The following PLEKHG1 variants were observed in gnomAD, a reference collection of about 807,000 sequenced individuals.
The protein encoded by PLEKHG1 is pleckstrin homology and RhoGEF domain containing G1.
In PLEKHG1, 44 loss-of-function variants were observed where a neutral mutation model predicts 100.8. The ratio of observed to expected loss-of-function variants is 0.44; its 90% CI spans 0.34 to 0.56. The LOEUF is 0.56. Ranked by LOEUF, PLEKHG1 falls within the 20% of genes least tolerant of loss-of-function variation. The pLI, the probability that PLEKHG1 is intolerant of heterozygous loss-of-function variation, is 0.01. For synonymous variants in PLEKHG1, 640 were observed against 662.5 expected (o/e 0.97, Z 0.52); for missense variants, 1,545 against 1,720.9 (o/e 0.90, Z 1.81).
Position 150,823,690 on chromosome 6 carries a change from C to T in PLEKHG1, c.1470+14C>T. 6.2e-7 allele frequency: 1 copy of T among 1,606,206 alleles called. No individual in the cohort carries two copies. Among genetic ancestry groups the T allele is most frequent in the East Asian group, 2.2e-5 (1 of 44,824 alleles). On this transcript the variant is annotated intron_variant, in intron 14 of 15. Coordinates refer to ENST00000358517, the Ensembl canonical transcript of PLEKHG1. The stretch of plus-strand genomic sequence containing the variant: ...GACATCCAAAAGGTAAGCTCTATCT[C>T]ATTTCTTACTTGGAAATGTTCACTT...
intron 1 of PLEKHG1, among the ~76,000 whole-genome samples, chr6:150,621,200 T>C (rs904198800): frequency 2.6e-5 from 4 of 152,022 alleles, no homozygotes; most frequent in Non-Finnish European, 4.4e-5. Flanking sequence ...GGAATGATGG[T>C]TGGTGAGGGT....
At chr6:150,780,641 A>T (rs905005227) in intron 3 of PLEKHG1, among the ~76,000 whole-genome samples, 1 of 152,178 alleles carries the variant, frequency 6.6e-6, no homozygotes, top group African/African-American at 2.4e-5. Context: ...AAAAGACATC[A>T]TTCTCTTTAT....
intron 2 of PLEKHG1, among the ~76,000 whole-genome samples, chr6:150,763,282 C>G (rs1784277433): frequency 6.6e-6 from 1 of 152,134 alleles, no homozygotes; most frequent in Admixed American, 6.6e-5. Flanking sequence ...CCACCTGCCT[C>G]AGCCTCCCAA....
intron 3 of PLEKHG1, among the ~76,000 whole-genome samples, chr6:150,674,423 C>A (rs968665340): frequency 1.3e-5 from 2 of 152,188 alleles, no homozygotes; most frequent in Non-Finnish European, 2.9e-5. Context: ...AGAGTCCAAG[C>A]TCTCTTCTCT....
chr6:150,671,683 G>C (rs1779590164), intron 3 of PLEKHG1, among the ~76,000 whole-genome samples: 1 of 152,158 alleles, frequency 6.6e-6, no homozygotes, highest in African/African-American at 2.4e-5. Flanking sequence ...TTTAAATTGT[G>C]GTCAGTGCTA....
chr6:150,722,993 C>T (rs1239264711), intron 1 of PLEKHG1, among the ~76,000 whole-genome samples: 1 of 152,028 alleles, frequency 6.6e-6, no homozygotes, highest in Non-Finnish European at 1.5e-5. Context: ...TTGAAAAACT[C>T]GGTGATACAC....
intron 2 of PLEKHG1, among the ~76,000 whole-genome samples, chr6:150,640,211 A>G (rs1461391722): frequency 6.6e-6 from 1 of 152,066 alleles, no homozygotes; most frequent in African/African-American, 2.4e-5. Context: ...CAGACTTTCT[A>G]TTTTTTTTCT....
chr6:150,784,516 G>A (rs1461671790), intron 3 of PLEKHG1, among the ~76,000 whole-genome samples: 1 of 152,148 alleles, frequency 6.6e-6, no homozygotes, highest in African/African-American at 2.4e-5. Flanking sequence ...ACTATTGCTC[G>A]ATTTTGTAAT....
At chr6:150,608,714 ATAT>A (rs1425331160) in intron 1 of PLEKHG1, among the ~76,000 whole-genome samples, 2 of 152,140 alleles carry the variant, frequency 1.3e-5, no homozygotes, top group Non-Finnish European at 2.9e-5. Flanking sequence ...GGTTTTGGGG[ATAT>A]TATGAAAAAA....
chr6:150,840,139 C>T, exon 16 of PLEKHG1: 1 of 1,614,236 alleles, frequency 6.2e-7, no homozygotes, highest in Non-Finnish European at 8.5e-7. Context: ...TCTCTTCAAA[C>T]CTCTGACCCT....
chr6:150,720,623 C>A (rs975787383), upstream of PLEKHG1, among the ~76,000 whole-genome samples: 4 of 152,158 alleles, frequency 2.6e-5, no homozygotes, highest in African/African-American at 9.6e-5. Context: ...CCCACCCCCA[C>A]CCCAACCTGC....
At chr6:150,715,971 G>A (rs1185682424) in intron 3 of PLEKHG1, among the ~76,000 whole-genome samples, 22 of 148,822 alleles carry the variant, frequency 1.5e-4, no homozygotes, top group South Asian at 1.1e-3. Context: ...AGCCGGGCGT[G>A]GTGGCGGGCG....
intron 3 of PLEKHG1, among the ~76,000 whole-genome samples, chr6:150,779,983 A>T (rs1785216862): frequency 6.6e-6 from 1 of 151,382 alleles, no homozygotes. Flanking sequence ...GAAAGAAATA[A>T]CATGATGGAG....
intron 3 of PLEKHG1, among the ~76,000 whole-genome samples, chr6:150,714,811 A>ATT (rs773303756): frequency 0.056 from 8,241 of 147,776 alleles, 293 homozygotes; most frequent in South Asian, 0.11. Context: ...TGCTGACAGA[A>ATT]TTTTTTTCTT....
At chr6:150,675,823 GA>G (rs1779735918) in intron 3 of PLEKHG1, among the ~76,000 whole-genome samples, 2 of 152,198 alleles carry the variant, frequency 1.3e-5, no homozygotes, top group Non-Finnish European at 2.9e-5. Context: ...GGAAAAGCAT[GA>G]GGATTATTTA....
intron 3 of PLEKHG1, among the ~76,000 whole-genome samples, chr6:150,784,704 C>T (rs1056498210): frequency 3.3e-5 from 5 of 151,556 alleles, no homozygotes; most frequent in African/African-American, 7.3e-5. Flanking sequence ...CACAGTGAGA[C>T]AAGATTGATA....
intron 2 of PLEKHG1, among the ~76,000 whole-genome samples, chr6:150,750,667 G>T (rs1172793676): frequency 1.4e-5 from 2 of 147,156 alleles, no homozygotes; most frequent in African/African-American, 5.1e-5. Flanking sequence ...TGTAGTCCCA[G>T]CTACTCGGGA....
chr6:150,675,063 T>G (rs1779712057), intron 3 of PLEKHG1, among the ~76,000 whole-genome samples: 1 of 152,020 alleles, frequency 6.6e-6, no homozygotes, highest in African/African-American at 2.4e-5. Context: ...GCTCAAAACT[T>G]TGGTATGGAT....
At chr6:150,776,288 G>A (rs998517264) in intron 3 of PLEKHG1, among the ~76,000 whole-genome samples, 3 of 152,270 alleles carry the variant, frequency 2.0e-5, no homozygotes, top group Non-Finnish European at 4.4e-5. Context: ...CTGAAGGCAA[G>A]ATGACTCTAA....
Sources: gnomAD v4.1 joint callset for allele counts (sites outside exome capture counted in the v4.1 genomes callset) on GRCh38, gnomAD v4.1.1 for gene constraint, MANE v1.5 for transcripts, NCBI Gene and HGNC (gene_info 2026-07-23, HGNC 2026-07-21) for gene names.